SPATC1: variants seen among roughly 807,000 people sequenced by gnomAD.
SPATC1 encodes the protein speriolin.
A neutral mutation model predicts 36.5 loss-of-function variants in SPATC1; 35 were observed. The observed-to-expected ratio is 0.96, with a 90% CI of 0.73 to 1.27. The LOEUF is 1.27. Ranked by LOEUF, SPATC1 falls within the 50% of genes most tolerant of loss-of-function variation. The probability of loss-of-function intolerance (pLI) is 0.00; values close to 1 mark genes in which losing one functional copy is unlikely to be tolerated. For synonymous variants in SPATC1, 361 were observed against 353.6 expected, an observed-to-expected ratio of 1.02 and a Z score of -0.24; for missense variants, 779 against 796.0, an observed-to-expected ratio of 0.98 and a Z score of 0.26.
chr8:144,044,452 C>T (rs1235486463), intron 4 of SPATC1, among the ~76,000 whole-genome samples: 1 of 150,862 alleles, frequency 6.6e-6, no homozygotes, highest in African/African-American at 2.5e-5. Flanking sequence ...CAGGCGCCCG[C>T]CACCACGCCC....
intron 1 of SPATC1, among the ~76,000 whole-genome samples, chr8:144,036,281 G>A (rs1366240089): frequency 6.6e-6 from 1 of 152,148 alleles, no homozygotes; most frequent in African/African-American, 2.4e-5. Flanking sequence ...GCAGCTGACT[G>A]GATTGTGCAA....
intron 4 of SPATC1, among the ~76,000 whole-genome samples, chr8:144,043,581 G>A (rs1239469714): frequency 1.3e-5 from 2 of 151,726 alleles, no homozygotes; most frequent in African/African-American, 2.4e-5. Flanking sequence ...TCACTGTGTT[G>A]CCCAGACTAA....
In SPATC1 at chr8:144,031,723, CT is replaced by C. The variant is rs1240016643; in HGVS notation, c.212-8171del. ...TCTTTTTCTTTTTTTTTCTTTCTTT[CT>C]TTTTTTTTTTTTTTCTGAAGACAGG... is the stretch of plus-strand genomic sequence containing the variant. On this transcript the variant is annotated intron_variant, in intron 1 of 4. Transcript: ENST00000377470. Among the ~76,000 whole-genome samples the C allele has an allele frequency of 3.3e-3, 425 of 128,978 alleles. 1 individual carries two copies. The highest frequency in any genetic ancestry group is 9.2e-3 in the African/African-American group (317 of 34,312). 84.6% of individuals were successfully genotyped at this position (128,978 alleles called of 152,430 possible). A position where few individuals can be genotyped will look rare whatever the true frequency, so the allele number is the denominator to read the frequency against.
rs782607369 is a variant in SPATC1, at chr8:144,040,129, C to T, written c.432C>T (p.Pro144=). 6.2e-7 allele frequency: 1 copy of T among 1,609,748 alleles called. No individual in the cohort carries two copies. The highest frequency in any genetic ancestry group is 8.5e-7 in the Non-Finnish European group (1 of 1,179,124). Residue 144 remains proline, a synonymous_variant, in exon 2 of 5, where the codon CCC becomes CCT. Transcript: ENST00000377470. ...CCCTCACCAGCTTCCTGACCAGTCC[C>T]ATTGCGGGACCCCTAACAGGCACAC... ...SSPLTSFLTS[P]IAGPLTGTLA...
rs1456138142 is a variant in SPATC1, at chr8:144,018,990, C to T, written c.211+6264C>T. 4.2e-5 allele frequency among the ~76,000 whole-genome samples: 6 copies of T among 142,156 alleles called. No homozygotes were observed. The East Asian group carries it at 1.2e-3, about 29-fold the overall frequency. 93.3% of individuals were successfully genotyped at this position (142,156 alleles called of 152,430 possible). On this transcript the variant is annotated intron_variant, in intron 1 of 4. Transcript: ENST00000377470. The stretch of plus-strand genomic sequence containing the variant: ...CCGGGAGGCAGAGCTTGCAGTGAGC[C>T]GAGATCGCGCCACTGCACTCCAGCC...
rs940700057 is a variant in SPATC1 at position 144,030,093 on chromosome 8, C to T, written c.212-9816C>T. ...TTTTTGATTTAAAGTCTATTTTGTC[C>T]GATATCAGTATAGCCACCCAGCTCT... On this transcript the variant is annotated intron_variant, in intron 1 of 4. Coordinates refer to ENST00000377470, the MANE Select transcript of SPATC1 (RefSeq NM_198572.3). Among the ~76,000 whole-genome samples the T allele has an allele frequency of 4.1e-4, 63 of 152,124 alleles. 1 individual carries two copies. Among genetic ancestry groups the T allele is most frequent in the African/African-American group, 1.1e-3 (45 of 41,478 alleles).
At position 144,012,532 on chromosome 8, in the gene SPATC1, A is replaced by G. The variant is rs1554752596; in HGVS notation, c.17A>G (p.Asn6Ser). MSLLT[N>S]YEGLRHQIER... ...CCCCAGGGCATGTCTCTACTCACCA[A>G]TTATGAAGGGCTTCGGCATCAGATA... The change falls in exon 1 of 5, where the codon AAT (asparagine) becomes AGT (serine). Residue 6 changes from asparagine to serine, a missense_variant. By Grantham distance (46) the Asn-to-Ser change is conservative. Coordinates refer to ENST00000377470, the MANE Select transcript of SPATC1 (RefSeq NM_198572.3). 7.1e-6 allele frequency: 11 copies of G among 1,551,638 alleles called. No individual in the cohort carries two copies. The highest frequency in any genetic ancestry group is 8.7e-6 in the Non-Finnish European group (10 of 1,147,004).
rs1434293271 is a variant in SPATC1 at position 144,033,191 on chromosome 8, T to C, written c.212-6718T>C. 2.6e-5 allele frequency among the ~76,000 whole-genome samples: 4 copies of C among 151,568 alleles called. No individual in the cohort carries two copies. The East Asian group carries it at 7.7e-4, about 29-fold the overall frequency. On this transcript the variant is annotated intron_variant, in intron 1 of 4. Coordinates refer to ENST00000377470, the MANE Select transcript of SPATC1 (RefSeq NM_198572.3). ...CAGGCGGATCACCTGAGGTCAGGAG[T>C]TCGAGACCAGCCTGGCCAACATGGT... is the stretch of plus-strand genomic sequence containing the variant.
rs1422356965 is a variant in SPATC1, at chr8:144,045,224, C to A, written c.1447-1403C>A. ...ACCTCAATGGTGTCTTCCTGCCCCC[C>A]ACAACTGTGCATATTACTCGTTTGC... is the stretch of plus-strand genomic sequence containing the variant. On this transcript the variant is annotated intron_variant, in intron 4 of 4. Coordinates refer to ENST00000377470, the MANE Select transcript of SPATC1 (RefSeq NM_198572.3). The surrounding 1 kb of genome is among the most constrained non-coding windows in gnomAD (Gnocchi z 5.2). Among the ~76,000 whole-genome samples, 1 of 152,234 alleles carries A rather than the reference C, an allele frequency of 6.6e-6. No homozygotes were observed. Among genetic ancestry groups the A allele is most frequent in the Non-Finnish European group, 1.5e-5 (1 of 68,040 alleles).
Sources: allele counts gnomAD v4.1 joint callset (sites outside exome capture counted in the v4.1 genomes callset), GRCh38; gene constraint gnomAD v4.1.1; non-coding constraint Gnocchi (gnomAD v3.1); transcripts MANE v1.5; gene names NCBI Gene and HGNC (gene_info 2026-07-23, HGNC 2026-07-21).